The following EXO1 variants were observed in gnomAD, a reference collection of about 807,000 sequenced individuals.
EXO1 encodes exonuclease 1.
EXO1 carries 69 observed loss-of-function variants against 84.5 expected under a neutral mutation model. The ratio of observed to expected loss-of-function variants is 0.82; its 90% CI spans 0.67 to 1.00. The LOEUF is 1.00. Among genes scored for constraint, EXO1 ranks in the 50% least tolerant of loss-of-function variants. The pLI is 0.00. For synonymous variants in EXO1, 373 were observed against 366.1 expected, an observed-to-expected ratio of 1.02 and a Z score of -0.21; for missense variants, 1,045 against 1,000.7, an observed-to-expected ratio of 1.04 and a Z score of -0.60.
chr1:241,871,993 G>T, intron 11 of EXO1, 39 bp from the exon 12 acceptor site: 3 of 1,582,246 alleles, frequency 1.9e-6, no homozygotes, highest in Non-Finnish European at 2.6e-6. Context: ...CTAAGTACAG[G>T]TGAAACAAAG....
intron 6 of EXO1, among the ~76,000 whole-genome samples, chr1:241,855,880 GC>G: frequency 6.6e-6 from 1 of 152,248 alleles, no homozygotes; most frequent in Non-Finnish European, 1.5e-5. Flanking sequence ...TGAGTGCGGG[GC>G]CGCCAAGCCC....
At chr1:241,874,411 G>T (rs1332950300) in intron 12 of EXO1, among the ~76,000 whole-genome samples, 1 of 152,142 alleles carries the variant, frequency 6.6e-6, no homozygotes, top group Non-Finnish European at 1.5e-5. Context: ...AAATAGAAAA[G>T]AAAAGAAACT....
intron 10 of EXO1, among the ~76,000 whole-genome samples, chr1:241,863,751 C>G (rs112277098): frequency 1.2e-3 from 182 of 152,302 alleles, no homozygotes; most frequent in African/African-American, 4.2e-3. Context: ...CCATGTAATA[C>G]GGTAGCCACT....
At position 241,860,640 on chromosome 1, in the gene EXO1, A is replaced by G; in HGVS notation, c.880A>G (p.Lys294Glu). Reference sequence around the variant, plus strand: ...GCTAGTTTTTGATCCCATCAAAAGGAAACTTATTCCTCTGAACGCCTATGA... The same window carrying G: ...GCTAGTTTTTGATCCCATCAAAAGGGAACTTATTCCTCTGAACGCCTATGA... ...YQLVFDPIKR[K>E]LIPLNAYEDD... The change falls in exon 9 of 16, where the codon AAA (lysine) becomes GAA (glutamate). Residue 294 changes from lysine to glutamate, a missense_variant. Transcript: ENST00000366548. 1.9e-6 allele frequency: 3 copies of G among 1,614,104 alleles called. No individual in the cohort carries two copies. Among genetic ancestry groups the G allele is most frequent in the Non-Finnish European group, 2.5e-6 (3 of 1,179,940 alleles).
chr1:241,857,269 AGT>A, intron 6 of EXO1, 74 bp from the exon 7 acceptor site: 1 of 1,423,112 alleles, frequency 7.0e-7, no homozygotes, highest in Admixed American at 1.7e-5. Flanking sequence ...CTAGTAATAA[AGT>A]GGGTTTGAAA....
intron 10 of EXO1, among the ~76,000 whole-genome samples, chr1:241,865,698 A>G (rs189105563): frequency 3.9e-5 from 6 of 152,228 alleles, no homozygotes; most frequent in Non-Finnish European, 8.8e-5. Context: ...AGGAACCATA[A>G]TTGTACACCA....
At position 241,861,431 on chromosome 1, in the gene EXO1, C is replaced by CA. The variant is rs751628811; in HGVS notation, c.973dup (p.Ile325AsnfsTer6). Reference sequence around the variant, plus strand: ...ATATGTTGATGATTCCATAGCTCTTCAAATAGCACTTGGAAATAAAGATAT... The same window carrying CA: ...ATATGTTGATGATTCCATAGCTCTTCAAAATAGCACTTGGAAATAAAGATAT... On this transcript the variant is annotated frameshift_variant, in exon 10 of 16. Transcript: ENST00000366548. LOFTEE classifies it high-confidence loss of function. The CA allele has an allele frequency of 6.4e-7, 1 of 1,566,904 alleles. No homozygotes were observed. Among genetic ancestry groups the CA allele is most frequent in the Non-Finnish European group, 8.8e-7 (1 of 1,137,030 alleles).
rs189887952 is a variant in EXO1, at chr1:241,863,441, A to G, written c.1041+1939A>G. On this transcript the variant is annotated intron_variant, in intron 10 of 15. Coordinates refer to ENST00000366548, the MANE Select transcript of EXO1 (RefSeq NM_130398.4). ...AAAAAAACAAAAAAAGCGTATGTAG[A>G]AAAAAGTGATATATTAAGGGAACTC... Among the ~76,000 whole-genome samples, 459 of 151,476 alleles carry G rather than the reference A, an allele frequency of 3.0e-3. 3 individuals carry two copies. Among genetic ancestry groups the G allele is most frequent in the African/African-American group, 0.01 (429 of 41,368 alleles).
In EXO1 at chr1:241,884,762, T is replaced by C. The variant is rs2148535729; in HGVS notation, c.2212-552T>C. ...GGGAGGCAGCGAGAGACATTCATTT[T>C]GCTCTCTGTTCCTTTACAAAAGAGA... On this transcript the variant is annotated intron_variant, in intron 14 of 15. Transcript: ENST00000366548. Among the ~76,000 whole-genome samples, 2 of 152,344 alleles carry C rather than the reference T, an allele frequency of 1.3e-5. 1 individual carries two copies. Among genetic ancestry groups the C allele is most frequent in the Middle Eastern group, 6.8e-3 (2 of 294 alleles).
rs777393245 is a variant in EXO1 at position 241,889,863 on chromosome 1, C to T, written c.*263C>T. The T allele has an allele frequency of 1.8e-5, 8 of 452,824 alleles. No homozygotes were observed. Among genetic ancestry groups the T allele is most frequent in the Non-Finnish European group, 3.2e-5 (8 of 249,466 alleles). 28.1% of individuals were successfully genotyped at this position (452,824 alleles called of 1,614,324 possible). ...TTTTAGTGTTAATTGGGAAAATCCT[C>T]TGGAGTTTATAAAAGTCTACTCTAA... On this transcript the variant is annotated 3_prime_UTR_variant, in exon 16 of 16. Coordinates refer to ENST00000366548, the MANE Select transcript of EXO1 (RefSeq NM_130398.4).
rs1662132450 is a variant in EXO1 at position 241,872,068 on chromosome 1, C to A, written c.1304C>A (p.Ser435Tyr). 1 of 1,613,116 alleles carries A rather than the reference C, an allele frequency of 6.2e-7. No homozygotes were observed. The highest frequency in any genetic ancestry group is 1.3e-5 in the African/African-American group (1 of 74,874). ...LSEDDLLSQY[S>Y]LSFTKKTKKN... The stretch of plus-strand genomic sequence containing the variant: ...GAAGATGACCTGTTGAGTCAGTATT[C>A]TCTTTCATTTACGAAGAAGACCAAG... Residue 435 changes from serine (S) to tyrosine (Y), a missense_variant, in exon 12 of 16, where the codon TCT (serine) becomes TAT (tyrosine). Coordinates refer to ENST00000366548, the MANE Select transcript of EXO1 (RefSeq NM_130398.4).
At chr1:241,855,806 C>T (rs1186671237) in intron 6 of EXO1, among the ~76,000 whole-genome samples, 1 of 152,268 alleles carries the variant, frequency 6.6e-6, no homozygotes, top group Non-Finnish European at 1.5e-5. Context: ...GTACATCCTC[C>T]GCAGCCGCTG....
intron 10 of EXO1, among the ~76,000 whole-genome samples, chr1:241,866,562 ATT>A (rs34121929): frequency 3.4e-5 from 4 of 119,106 alleles, no homozygotes; most frequent in African/African-American, 6.4e-5. Flanking sequence ...GCAACTCTTG[ATT>A]TTTTTTTTTT....
chr1:241,867,438 T>C (rs1661812973), intron 11 of EXO1, among the ~76,000 whole-genome samples: 1 of 152,146 alleles, frequency 6.6e-6, no homozygotes, highest in Non-Finnish European at 1.5e-5. Flanking sequence ...GATTCAGTTA[T>C]CTCCCACCAG....
intron 15 of EXO1, among the ~76,000 whole-genome samples, chr1:241,888,790 T>A (rs1191017686): frequency 1.3e-5 from 2 of 151,978 alleles, no homozygotes; most frequent in African/African-American, 4.8e-5. Context: ...AAGACAGGGC[T>A]TAGGCCAGGC....
At chr1:241,853,723 A>G (rs1440274102) in intron 6 of EXO1, among the ~76,000 whole-genome samples, 1 of 152,056 alleles carries the variant, frequency 6.6e-6, no homozygotes, top group Non-Finnish European at 1.5e-5. Flanking sequence ...TAGCAATGGA[A>G]GGAACAGGGC....
intron 12 of EXO1, among the ~76,000 whole-genome samples, chr1:241,874,722 A>G (rs766807438): frequency 7.2e-5 from 11 of 152,198 alleles, no homozygotes; most frequent in Non-Finnish European, 1.5e-4. Context: ...AAAAATTGGG[A>G]CTAACAATTA....
intron 3 of EXO1, among the ~76,000 whole-genome samples, chr1:241,849,571 C>A (rs1660536257): frequency 6.6e-6 from 1 of 152,242 alleles, no homozygotes; most frequent in East Asian, 1.9e-4. Flanking sequence ...CCAGAATGTT[C>A]GTGCTTAGAA....
chr1:241,867,628 A>G (rs1357120473), intron 11 of EXO1, among the ~76,000 whole-genome samples: 2 of 151,080 alleles, frequency 1.3e-5, no homozygotes, highest in Non-Finnish European at 3.0e-5. Flanking sequence ...TTTTTTTTTA[A>G]TCTTGTATAT....
Sources: gnomAD v4.1 joint callset for allele counts (sites outside exome capture counted in the v4.1 genomes callset) on GRCh38, gnomAD v4.1.1 for gene constraint, MANE v1.5 for transcripts, NCBI Gene and HGNC (gene_info 2026-07-23, HGNC 2026-07-21) for gene names.